Variants in NKAIN3 observed in about 807,000 individuals in gnomAD.
NKAIN3 encodes sodium/potassium transporting ATPase interacting 3.
Under a neutral mutation model 30.2 loss-of-function variants are expected in NKAIN3, and 25 were observed. The observed-to-expected ratio is 0.83, with a 90% CI of 0.60 to 1.16. NKAIN3 has a LOEUF of 1.16. Ranked by LOEUF, NKAIN3 falls within the 50% of genes most tolerant of loss-of-function variation. The probability of loss-of-function intolerance (pLI) is 0.00; values close to 1 mark genes in which losing one functional copy is unlikely to be tolerated. For synonymous variants in NKAIN3, 91 were observed against 89.6 expected (o/e 1.02, Z -0.09); for missense variants, 225 against 254.1 (o/e 0.89, Z 0.78).
chr8:62,502,904 G>GA (rs1199883146), intron 1 of NKAIN3, among the ~76,000 whole-genome samples: 4 of 152,138 alleles, frequency 2.6e-5, no homozygotes, highest in African/African-American at 9.7e-5. Context: ...CAGGACCTTG[G>GA]AAAACATGCT....
chr8:62,700,164 A>G (rs1171396972), intron 3 of NKAIN3, among the ~76,000 whole-genome samples: 1 of 152,202 alleles, frequency 6.6e-6, no homozygotes. Context: ...TTTAAAATTC[A>G]GAATGACTTT....
intron 4 of NKAIN3, among the ~76,000 whole-genome samples, chr8:62,859,738 G>T (rs1309120358): frequency 1.3e-5 from 2 of 151,924 alleles, no homozygotes; most frequent in African/African-American, 4.8e-5. Context: ...CCAACCCCCA[G>T]TACTAAATAA....
intron 3 of NKAIN3, among the ~76,000 whole-genome samples, chr8:62,734,704 T>A (rs1815592850): frequency 6.6e-6 from 1 of 151,988 alleles, no homozygotes. Context: ...AAGTCAGGAG[T>A]TAGTAATGTC....
chr8:62,308,050 A>G (rs1289452616), intron 1 of NKAIN3, among the ~76,000 whole-genome samples: 1 of 150,544 alleles, frequency 6.6e-6, no homozygotes, highest in Admixed American at 6.6e-5. Flanking sequence ...CATTATGTCA[A>G]GAGCTGTGAG....
intron 4 of NKAIN3, chr8:62,855,595 C>A (rs1820038299): frequency 1.3e-6 from 2 of 1,598,450 alleles, no homozygotes; most frequent in Admixed American, 1.7e-5. Flanking sequence ...TGGGCAATGT[C>A]AGGTCCACTG....
Position 62,756,620 on chromosome 8 carries a change from G to A in NKAIN3, c.471+9491G>A, listed in dbSNP as rs187194313. ...ATGTTCATCTTTTGGAAACATCTGC[G>A]TTACAGATAGCAACTGACAGCTCTT... On this transcript the variant is annotated intron_variant, in intron 4 of 6. Coordinates refer to ENST00000623646, the MANE Select transcript of NKAIN3 (RefSeq NM_001304533.3). 2.2e-3 allele frequency among the ~76,000 whole-genome samples: 334 copies of A among 152,132 alleles called. 2 individuals carry two copies. The highest frequency in any genetic ancestry group is 7.0e-3 in the African/African-American group (292 of 41,522).
At chr8:62,683,803 C>A (rs1401858135) in intron 3 of NKAIN3, among the ~76,000 whole-genome samples, 1 of 152,144 alleles carries the variant, frequency 6.6e-6, no homozygotes, top group Non-Finnish European at 1.5e-5. Flanking sequence ...GTATTGCCCA[C>A]ATATTGGCAA....
At chr8:62,740,217 C>T (rs567653751) in intron 3 of NKAIN3, among the ~76,000 whole-genome samples, 82 of 151,912 alleles carry the variant, frequency 5.4e-4, no homozygotes, top group South Asian at 8.3e-4. Flanking sequence ...TATTCTGAGA[C>T]GAAAAAATAT....
chr8:62,964,449 G>A (rs13272004), intron 6 of NKAIN3, among the ~76,000 whole-genome samples: 32,818 of 151,800 alleles, frequency 0.22, 4,033 homozygotes, highest in East Asian at 0.5. Flanking sequence ...TGTCAAAAGT[G>A]TGGAGAAAAC....
At chr8:62,741,685 GTA>G (rs1815897793) in intron 3 of NKAIN3, among the ~76,000 whole-genome samples, 1 of 152,170 alleles carries the variant, frequency 6.6e-6, no homozygotes, top group South Asian at 2.1e-4. Flanking sequence ...TTCCAAATAA[GTA>G]TATAAGTTGT....
intron 3 of NKAIN3, among the ~76,000 whole-genome samples, chr8:62,730,643 C>T (rs941872129): frequency 6.6e-6 from 1 of 152,046 alleles, no homozygotes; most frequent in Non-Finnish European, 1.5e-5. Flanking sequence ...TAAAGAATTT[C>T]ATTTGAATTT....
chr8:62,335,222 G>T (rs370658343), intron 1 of NKAIN3, among the ~76,000 whole-genome samples: 2 of 151,778 alleles, frequency 1.3e-5, no homozygotes, highest in South Asian at 4.1e-4. Flanking sequence ...ATCACTTGAG[G>T]TCAGACCAGC....
chr8:62,444,607 T>C (rs977686941), intron 1 of NKAIN3, among the ~76,000 whole-genome samples: 1 of 152,214 alleles, frequency 6.6e-6, no homozygotes, highest in Non-Finnish European at 1.5e-5. Flanking sequence ...CACATTTTCT[T>C]TATCCATTAA....
intron 1 of NKAIN3, among the ~76,000 whole-genome samples, chr8:62,370,139 T>C (rs531626901): frequency 6.6e-6 from 1 of 152,188 alleles, no homozygotes; most frequent in Non-Finnish European, 1.5e-5. Flanking sequence ...ATTATTGAAC[T>C]CAGAGAAATA....
intron 1 of NKAIN3, among the ~76,000 whole-genome samples, chr8:62,346,908 T>G (rs749045674): frequency 3.3e-5 from 5 of 152,098 alleles, no homozygotes; most frequent in Non-Finnish European, 5.9e-5. Context: ...TGACATAACA[T>G]CCCCACTTTA....
intron 1 of NKAIN3, among the ~76,000 whole-genome samples, chr8:62,350,260 C>T (rs1816138485): frequency 6.6e-6 from 1 of 152,112 alleles, no homozygotes; most frequent in Non-Finnish European, 1.5e-5. Flanking sequence ...GTGGTACACA[C>T]CTAACAATGG....
chr8:62,351,904 T>G (rs1816192355), intron 1 of NKAIN3, among the ~76,000 whole-genome samples: 1 of 152,150 alleles, frequency 6.6e-6, no homozygotes, highest in Admixed American at 6.6e-5. Flanking sequence ...CCTGGGCAAC[T>G]GTGGAAGAAG....
intron 1 of NKAIN3, among the ~76,000 whole-genome samples, chr8:62,454,559 A>G (rs919030061): frequency 5.9e-5 from 9 of 152,190 alleles, no homozygotes; most frequent in Non-Finnish European, 1.2e-4. Context: ...TCATGCCCAC[A>G]TGAATTAGTG....
chr8:62,594,830 A>ATTCCT (rs200629429), intron 3 of NKAIN3, among the ~76,000 whole-genome samples: 13 of 132,988 alleles, frequency 9.8e-5, no homozygotes, highest in South Asian at 4.7e-4. Flanking sequence ...TCCTTCCTTC[A>ATTCCT]TTCCTTTCCT....
Sources: allele counts gnomAD v4.1 joint callset (sites outside exome capture counted in the v4.1 genomes callset), GRCh38; gene constraint gnomAD v4.1.1; transcripts MANE v1.5; gene names NCBI Gene and HGNC (gene_info 2026-07-23, HGNC 2026-07-21).